Variants in DSG2 observed in about 807,000 individuals in gnomAD.
DSG2 encodes desmoglein-2.
DSG2 carries 45 observed loss-of-function variants against 75.6 expected under a neutral mutation model. The ratio of observed to expected loss-of-function variants is 0.60; its 90% confidence interval spans 0.47 to 0.76. The LOEUF is 0.76. Among genes scored for constraint, DSG2 ranks in the 30% least tolerant of loss-of-function variants. DSG2 has a pLI of 0.00. For missense variants in DSG2, 1,267 were observed against 1,357.4 expected, an observed-to-expected ratio of 0.93 and a Z score of 1.05; for synonymous variants, 429 against 483.9, an observed-to-expected ratio of 0.89 and a Z score of 1.49.
chr18:31,513,030 C>A (rs529645133), intron 1 of DSG2, among the ~76,000 whole-genome samples: 8 of 152,192 alleles, frequency 5.3e-5, no homozygotes, highest in Non-Finnish European at 1.2e-4. Flanking sequence ...ATGCCAGTCA[C>A]TGCAATAGTT....
intron 9 of DSG2, 126 bp from the exon 10 acceptor site, chr18:31,535,144 C>A: frequency 1.4e-6 from 1 of 736,306 alleles, no homozygotes; most frequent in Non-Finnish European, 2.3e-6. Context: ...TAAAAACATT[C>A]AAAACAAATG....
intron 2 of DSG2, among the ~76,000 whole-genome samples, chr18:31,518,643 TAATC>T (rs1367648655): frequency 9.2e-5 from 14 of 152,160 alleles, no homozygotes; most frequent in African/African-American, 2.9e-4. Flanking sequence ...TAAAAGATAT[TAATC>T]AAGCTGTTAA....
intron 1 of DSG2, among the ~76,000 whole-genome samples, chr18:31,501,256 G>T (rs2073012109): frequency 6.6e-6 from 1 of 152,186 alleles, no homozygotes; most frequent in South Asian, 2.1e-4. Context: ...GATTGCCAAG[G>T]AGGGCTCGTG....
At chr18:31,521,936 AGTTAAAT>A in intron 5 of DSG2, 140 bp from the exon 6 acceptor site, 1 of 688,698 alleles carries the variant, frequency 1.5e-6, no homozygotes. Context: ...GTCCTCATCC[AGTTAAAT>A]GTTATATTGT....
intron 1 of DSG2, among the ~76,000 whole-genome samples, chr18:31,505,376 C>G (rs569203178): frequency 6.6e-5 from 10 of 152,302 alleles, no homozygotes; most frequent in African/African-American, 2.4e-4. Context: ...CTTGCCTTTT[C>G]TGAGTTCCCC....
At chr18:31,525,690 G>A (rs1006421235) in intron 8 of DSG2, among the ~76,000 whole-genome samples, 2 of 152,184 alleles carry the variant, frequency 1.3e-5, no homozygotes. Flanking sequence ...CATTGGGCAG[G>A]TTTCAGGAAC....
chr18:31,499,332 GT>G (rs2073001912), intron 1 of DSG2, among the ~76,000 whole-genome samples: 2 of 150,140 alleles, frequency 1.3e-5, no homozygotes, highest in African/African-American at 4.9e-5. Context: ...CTATCCTCGA[GT>G]TTTGGTGGGA....
At chr18:31,543,071 TAG>T in intron 14 of DSG2, 1 of 462,638 alleles carries the variant, frequency 2.2e-6, no homozygotes, top group Non-Finnish European at 3.8e-6. Flanking sequence ...ACCATGATCT[TAG>T]TTCTCACACA....
chr18:31,545,808 A>C lies in DSG2; in HGVS notation c.2422A>C (p.Asn808His). 6.2e-7 allele frequency: 1 copy of C among 1,614,194 alleles called. No homozygotes were observed. The highest frequency in any genetic ancestry group is 8.5e-7 in the Non-Finnish European group (1 of 1,180,034). ...VYSQEETESL[N>H]ASIGCCSFIE... ...TTCTCAGGAAGAAACTGAATCGCTGAATGCTTCTATTGGTTGTTGCAGTTT... is the reference window on the plus strand; with the variant it reads ...TTCTCAGGAAGAAACTGAATCGCTGCATGCTTCTATTGGTTGTTGCAGTTT... The change falls in exon 15 of 15, where the codon AAT becomes CAT. Residue 808 changes from asparagine to histidine, a missense_variant. Physicochemically the swap from Asn to His is moderately conservative, Grantham distance 68. Transcript: ENST00000261590.
At position 31,501,420 on chromosome 18, in the gene DSG2, C is replaced by T. The variant is rs764051273; in HGVS notation, c.45+3124C>T. On this transcript the variant is annotated intron_variant, in intron 1 of 14. Transcript: ENST00000261590. Reference sequence around the variant, plus strand: ...TATTAGTTTGCTAGGACTGCTGTAACGAAGTGCTAAAAACTGAGTGGCTTA... The same window carrying T: ...TATTAGTTTGCTAGGACTGCTGTAATGAAGTGCTAAAAACTGAGTGGCTTA... Among the ~76,000 whole-genome samples the T allele has an allele frequency of 5.3e-5, 8 of 152,258 alleles. No individual in the cohort carries two copies. The South Asian group carries it at 6.2e-4, about 12-fold the overall frequency.
At chr18:31,518,368 A>G (rs2073106181) in intron 2 of DSG2, 94 bp downstream of exon 2, 1 of 1,065,598 alleles carries the variant, frequency 9.4e-7, no homozygotes, top group African/African-American at 1.6e-5. Flanking sequence ...TTGAAGACAC[A>G]TGTTGTATTA....
intron 8 of DSG2, among the ~76,000 whole-genome samples, chr18:31,527,043 A>G (rs1295159395): frequency 6.6e-6 from 1 of 152,174 alleles, no homozygotes; most frequent in Non-Finnish European, 1.5e-5. Context: ...CTTCATATCC[A>G]TTCACTCACT....
intron 8 of DSG2, among the ~76,000 whole-genome samples, chr18:31,527,689 C>A (rs768263399): frequency 6.6e-6 from 1 of 152,182 alleles, no homozygotes; most frequent in Non-Finnish European, 1.5e-5. Context: ...ATAAGAGATA[C>A]CACTTTACCT....
chr18:31,546,843 G>A lies in DSG2; in HGVS notation c.*100G>A. 7.7e-7 allele frequency: 1 copy of A among 1,300,028 alleles called. No individual in the cohort carries two copies. The highest frequency in any genetic ancestry group is 1.7e-5 in the Admixed American group (1 of 58,264). The allele number at this position is 1,300,028 out of a possible 1,614,324, so 80.5% of individuals were successfully genotyped here. A position where few individuals can be genotyped will look rare whatever the true frequency, so the allele number is the denominator to read the frequency against. On this transcript the variant is annotated 3_prime_UTR_variant, in exon 15 of 15. Transcript: ENST00000261590. ...TTCATGAGCCTTACAGACACACAGA[G>A]ACACATACACATTGATCTTAAAATT... is the stretch of plus-strand genomic sequence containing the variant.
At chr18:31,498,758 G>C (rs2072998282) in intron 1 of DSG2, among the ~76,000 whole-genome samples, 1 of 152,148 alleles carries the variant, frequency 6.6e-6, no homozygotes, top group Non-Finnish European at 1.5e-5. Flanking sequence ...CCAGTGAACT[G>C]GGGAAACCAG....
At position 31,545,783 on chromosome 18, in the gene DSG2, T is replaced by TAAACCAG; in HGVS notation, c.2397_2398insAAACCAG (p.Ser800LysfsTer8). 1 of 1,614,218 alleles carries TAAACCAG rather than the reference T, an allele frequency of 6.2e-7. No homozygotes were observed. The highest frequency in any genetic ancestry group is 8.5e-7 in the Non-Finnish European group (1 of 1,180,044). ...CAGCCAAAGATTGCCTTCTGGTTTA[T>TAAACCAG]TCTCAGGAAGAAACTGAATCGCTGA... On this transcript the variant is annotated frameshift_variant, in exon 15 of 15. Transcript: ENST00000261590. LOFTEE classifies it low-confidence loss of function (END_TRUNC).
intron 9 of DSG2, among the ~76,000 whole-genome samples, chr18:31,533,991 CTTTT>C (rs55789239): frequency 4.0e-5 from 5 of 125,938 alleles, no homozygotes; most frequent in South Asian, 5.0e-4. Context: ...TCTTTTTTTT[CTTTT>C]TTTTTTTTTT....
chr18:31,524,669 A>G (rs201953902), intron 7 of DSG2, 34 bp from the exon 8 acceptor site: 5 of 1,613,034 alleles, frequency 3.1e-6, no homozygotes, highest in Non-Finnish European at 1.7e-6. Context: ...TTTGTATTTC[A>G]TTGAAATAAA....
Position 31,521,207 on chromosome 18 carries a change from G to A in DSG2, c.487G>A (p.Val163Ile), listed in dbSNP as rs894211126. ...NDNEPVFTQD[V>I]FVGSVEELSA... ...CAACGAACCAGTGTTCACACAGGAT[G>A]TCTTTGTTGGGTCTGTTGAAGAGTT... The change falls in exon 5 of 15, where the codon GTC (valine) becomes ATC (isoleucine). Residue 163 changes from valine (V) to isoleucine (I), a missense_variant. Physicochemically the swap from Val to Ile is conservative, Grantham distance 29. Transcript: ENST00000261590. 1 of 1,613,034 alleles carries A rather than the reference G, an allele frequency of 6.2e-7. No homozygotes were observed. Among genetic ancestry groups the A allele is most frequent in the Non-Finnish European group, 8.5e-7 (1 of 1,179,750 alleles).
Sources: allele counts gnomAD v4.1 joint callset (sites outside exome capture counted in the v4.1 genomes callset), GRCh38; gene constraint gnomAD v4.1.1; transcripts MANE v1.5; gene names NCBI Gene and HGNC (gene_info 2026-07-23, HGNC 2026-07-21).